The following PTPRG variants were observed in gnomAD, a reference collection of about 807,000 sequenced individuals.
The protein encoded by PTPRG is protein tyrosine phosphatase receptor type G, also known as receptor-type tyrosine-protein phosphatase gamma.
Under a neutral mutation model 165.3 loss-of-function variants are expected in PTPRG, and 102 were observed. That is an observed-to-expected ratio of 0.62 (90% CI 0.53 to 0.73). The LOEUF (loss-of-function observed/expected upper bound fraction) is 0.73. PTPRG is among the 30% of genes least tolerant of loss of function. The pLI, the probability that PTPRG is intolerant of heterozygous loss-of-function variation, is 0.00. For synonymous variants in PTPRG, 675 were observed against 669.5 expected, an observed-to-expected ratio of 1.01 and a Z score of -0.13; for missense variants, 1,866 against 1,861.4, an observed-to-expected ratio of 1.00 and a Z score of -0.05.
intron 1 of PTPRG, among the ~76,000 whole-genome samples, chr3:61,677,209 C>T (rs976985226): frequency 9.5e-5 from 14 of 146,972 alleles, no homozygotes; most frequent in Non-Finnish European, 1.9e-4. Context: ...CGCACCACTG[C>T]ACTCCAGCGT....
intron 28 of PTPRG, among the ~76,000 whole-genome samples, chr3:62,284,577 T>A (rs1230642889): frequency 6.6e-6 from 1 of 152,088 alleles, no homozygotes; most frequent in African/African-American, 2.4e-5. Context: ...AGTTGCTAGC[T>A]CTAGTGAGAT....
chr3:61,596,354 T>G (rs927079648), intron 1 of PTPRG, among the ~76,000 whole-genome samples: 1 of 152,236 alleles, frequency 6.6e-6, no homozygotes, highest in African/African-American at 2.4e-5. Context: ...TACATATTCA[T>G]TTATAAAAAC....
chr3:61,649,776 T>C (rs1284805912), intron 1 of PTPRG, among the ~76,000 whole-genome samples: 3 of 152,236 alleles, frequency 2.0e-5, no homozygotes, highest in Admixed American at 2.0e-4. Context: ...GTCGTATAGA[T>C]GCACAGACTG....
intron 10 of PTPRG, among the ~76,000 whole-genome samples, chr3:62,199,584 TG>T (rs1446792727): frequency 6.7e-6 from 1 of 149,346 alleles, no homozygotes; most frequent in Non-Finnish European, 1.5e-5. Context: ...TGTTTTGTTT[TG>T]TTTTGTTTTG....
chr3:62,071,801 A>G (rs1701218828), intron 4 of PTPRG, among the ~76,000 whole-genome samples: 1 of 152,192 alleles, frequency 6.6e-6, no homozygotes, highest in Non-Finnish European at 1.5e-5. Context: ...TCAAATTACA[A>G]ATTTTGTAAA....
intron 2 of PTPRG, among the ~76,000 whole-genome samples, chr3:61,825,057 A>T (rs1296508317): frequency 6.6e-6 from 1 of 152,194 alleles, no homozygotes; most frequent in Non-Finnish European, 1.5e-5. Context: ...AGAAGTAAAG[A>T]ATTGTCTTTT....
chr3:62,183,715 C>T (rs975986201), intron 8 of PTPRG, among the ~76,000 whole-genome samples: 3 of 152,008 alleles, frequency 2.0e-5, no homozygotes, highest in African/African-American at 7.3e-5. Context: ...GCGATTGCTG[C>T]GTCCAGTTTT....
intron 16 of PTPRG, among the ~76,000 whole-genome samples, chr3:62,258,685 C>G (rs1231187954): frequency 6.6e-6 from 1 of 152,128 alleles, no homozygotes; most frequent in Non-Finnish European, 1.5e-5. Flanking sequence ...TTGTTCTTGT[C>G]AAATAAATTC....
intron 2 of PTPRG, among the ~76,000 whole-genome samples, chr3:61,924,554 C>A (rs761428480): frequency 2.0e-5 from 3 of 152,228 alleles, no homozygotes; most frequent in Non-Finnish European, 4.4e-5. Context: ...CACGTGCTGT[C>A]ACTGTGCTGA....
chr3:61,950,122 A>G (rs2039864598), intron 2 of PTPRG, among the ~76,000 whole-genome samples: 1 of 152,208 alleles, frequency 6.6e-6, no homozygotes, highest in Admixed American at 6.5e-5. Context: ...ATTACTAGTA[A>G]TATAAAGTTT....
At chr3:62,017,628 G>A (rs1373578123) in intron 4 of PTPRG, among the ~76,000 whole-genome samples, 1 of 147,986 alleles carries the variant, frequency 6.8e-6, no homozygotes, top group Non-Finnish European at 1.5e-5. Context: ...GTTTCACCGT[G>A]TTAGCCAGGA....
At chr3:61,922,058 A>G (rs2039089826) in intron 2 of PTPRG, among the ~76,000 whole-genome samples, 1 of 152,174 alleles carries the variant, frequency 6.6e-6, no homozygotes, top group Non-Finnish European at 1.5e-5. Flanking sequence ...GTTAGTCAAC[A>G]TTTTGCAGCT....
chr3:61,719,344 G>A (rs1412015352), intron 1 of PTPRG, among the ~76,000 whole-genome samples: 2 of 152,158 alleles, frequency 1.3e-5, no homozygotes, highest in African/African-American at 2.4e-5. Context: ...AAGCCCCTGC[G>A]CCTTGGGCCT....
intron 4 of PTPRG, among the ~76,000 whole-genome samples, chr3:62,037,493 C>G (rs1699983692): frequency 6.6e-6 from 1 of 152,190 alleles, no homozygotes; most frequent in African/African-American, 2.4e-5. Flanking sequence ...GGAATATCTG[C>G]AGGCATTAGC....
intron 2 of PTPRG, among the ~76,000 whole-genome samples, chr3:61,812,909 G>A (rs1005366118): frequency 4.3e-4 from 66 of 152,344 alleles, no homozygotes; most frequent in African/African-American, 1.5e-3. Flanking sequence ...TCATCTAAAT[G>A]TGCATAACTA....
chr3:61,751,585 G>A (rs988146423), intron 2 of PTPRG, among the ~76,000 whole-genome samples: 4 of 152,164 alleles, frequency 2.6e-5, no homozygotes, highest in Non-Finnish European at 4.4e-5. Context: ...TCAAAGCGAA[G>A]TTTTGTTAAT....
chr3:61,995,728 CTT>C, intron 3 of PTPRG, among the ~76,000 whole-genome samples: 1 of 143,738 alleles, frequency 7.0e-6, no homozygotes, highest in African/African-American at 2.6e-5. Context: ...TCCTTCCTTC[CTT>C]CCTTCCTTCC....
At chr3:61,716,053 C>T (rs1038658761) in intron 1 of PTPRG, among the ~76,000 whole-genome samples, 3 of 152,158 alleles carry the variant, frequency 2.0e-5, no homozygotes, top group Non-Finnish European at 4.4e-5. Flanking sequence ...CACTGAAATG[C>T]ATCCAGAATC....
intron 28 of PTPRG, among the ~76,000 whole-genome samples, chr3:62,286,132 C>T (rs1292461874): frequency 6.6e-6 from 1 of 152,038 alleles, no homozygotes; most frequent in Non-Finnish European, 1.5e-5. Flanking sequence ...TTTAATTTGG[C>T]CCTGAGATCA....
Sources: allele counts gnomAD v4.1 joint callset (sites outside exome capture counted in the v4.1 genomes callset), GRCh38; gene constraint gnomAD v4.1.1; transcripts MANE v1.5; gene names NCBI Gene and HGNC (gene_info 2026-07-23, HGNC 2026-07-21).